Variants in ARHGAP9 observed in about 807,000 individuals in gnomAD.
ARHGAP9 encodes rho GTPase-activating protein 9.
A neutral mutation model predicts 87.3 loss-of-function variants in ARHGAP9; 76 were observed. The observed-to-expected ratio is 0.87, with a 90% CI of 0.72 to 1.05. ARHGAP9 has a LOEUF of 1.05. ARHGAP9 is among the 50% of genes least tolerant of loss of function. The probability of loss-of-function intolerance (pLI) is 0.00; values close to 1 mark genes in which losing one functional copy is unlikely to be tolerated. For missense variants in ARHGAP9, 941 were observed against 960.5 expected, an observed-to-expected ratio of 0.98 and a Z score of 0.27; for synonymous variants, 382 against 394.9, an observed-to-expected ratio of 0.97 and a Z score of 0.39.
Position 57,472,375 on chromosome 12 carries a change from A to G in ARHGAP9, c.*142T>C, listed in dbSNP as rs1261052483. ...CTTTCCTCTTTAGAGAAGCTCCCTC[A>G]CCCATCCCAACACCTCAAGTCACAC... On this transcript the variant is annotated 3_prime_UTR_variant, in exon 18 of 18. Transcript: ENST00000393791. The G allele has an allele frequency of 1.9e-6, 2 of 1,065,584 alleles. No homozygotes were observed. Among genetic ancestry groups the G allele is most frequent in the Admixed American group, 6.0e-5 (2 of 33,600 alleles). 66.0% of individuals were successfully genotyped at this position (1,065,584 alleles called of 1,614,324 possible).
chr12:57,474,619 T>C lies in ARHGAP9; in HGVS notation c.1729+7A>G. 6.2e-7 allele frequency: 1 copy of C among 1,614,174 alleles called. No individual in the cohort carries two copies. Among genetic ancestry groups the C allele is most frequent in the Non-Finnish European group, 8.5e-7 (1 of 1,180,032 alleles). ...TAGTACAACCACTGGCCCACAAGCC[T>C]TCTCACCTCTGTCCACCAGAAAGCG... On this transcript the variant is annotated splice_region_variant and intron_variant, in intron 14 of 17. Coordinates refer to ENST00000393791, the MANE Select transcript of ARHGAP9 (RefSeq NM_032496.4).
chr12:57,477,375 G>A (rs578159701), intron 4 of ARHGAP9, 84 bp downstream of exon 4: 62 of 1,539,788 alleles, frequency 4.0e-5, no homozygotes, highest in Admixed American at 1.1e-4. Context: ...TGAGAGCCCC[G>A]GAGAGAAAAC....
In ARHGAP9 at chr12:57,476,580, G is replaced by A; in HGVS notation, c.1025+10C>T. The A allele has an allele frequency of 6.2e-7, 1 of 1,614,120 alleles. No homozygotes were observed. Among genetic ancestry groups the A allele is most frequent in the Non-Finnish European group, 8.5e-7 (1 of 1,180,010 alleles). On this transcript the variant is annotated intron_variant, in intron 7 of 17. Coordinates refer to ENST00000393791, the MANE Select transcript of ARHGAP9 (RefSeq NM_032496.4). ...ACAGCCCAGGCCCTAGCTGTATTCT[G>A]GGTTCTCACCTGAGCTTGCGCCCCC...
rs1872739896 is a variant in ARHGAP9, at chr12:57,474,086, G to T, written c.1874C>A (p.Pro625His). The stretch of plus-strand genomic sequence containing the variant: ...GGGCAGCAGCAGTGGTGGCACCAGA[G>T]GCTGGGGCAGCTCCCGGAGAAAAAG... ...LKLFLRELPQ[P>H]LVPPLLLPHF... is the part of the protein sequence containing the mutation. The change falls in exon 16 of 18, where the codon CCT becomes CAT. Residue 625 changes from proline (P) to histidine (H), a missense_variant. Transcript: ENST00000393791. The T allele has an allele frequency of 6.2e-7, 1 of 1,613,908 alleles. No homozygotes were observed. Among genetic ancestry groups the T allele is most frequent in the Non-Finnish European group, 8.5e-7 (1 of 1,180,004 alleles).
upstream of ARHGAP9, among the ~76,000 whole-genome samples, chr12:57,482,343 C>A (rs967882053): frequency 1.3e-5 from 2 of 152,008 alleles, no homozygotes; most frequent in Non-Finnish European, 2.9e-5. Context: ...CAGGTTCATG[C>A]CATTCTCCTG....
Position 57,473,841 on chromosome 12 carries a change from C to A in ARHGAP9, c.1919-133G>T, listed in dbSNP as rs117248179. 637 of 1,196,254 alleles carry A rather than the reference C, an allele frequency of 5.3e-4. 8 individuals carry two copies. The East Asian group carries it at 0.013, about 24-fold the overall frequency. 74.1% of individuals were successfully genotyped at this position (1,196,254 alleles called of 1,614,324 possible). A position where few individuals can be genotyped will look rare whatever the true frequency, so the allele number is the denominator to read the frequency against. On this transcript the variant is annotated intron_variant, in intron 16 of 17. Transcript: ENST00000393791. Reference sequence around the variant, plus strand: ...TAGCACAGCTTTCTTTTTCACATAGCCCAACTATAGCCTCATAATTCTTTT... The same window carrying A: ...TAGCACAGCTTTCTTTTTCACATAGACCAACTATAGCCTCATAATTCTTTT...
At chr12:57,480,843 G>T (rs886755004), upstream of ARHGAP9, 3 of 1,550,428 alleles carry the variant, frequency 1.9e-6, no homozygotes, top group Admixed American at 2.0e-5. Flanking sequence ...TTCTGTTTGG[G>T]TTTGGAGAGG....
chr12:57,482,539 C>T (rs1875099017), upstream of ARHGAP9, among the ~76,000 whole-genome samples: 1 of 151,942 alleles, frequency 6.6e-6, no homozygotes, highest in Non-Finnish European at 1.5e-5. Flanking sequence ...CGCGCCTGGC[C>T]AAAAATTTTT....
Position 57,476,080 on chromosome 12 carries a change from G to T in ARHGAP9, c.1203C>A (p.Asn401Lys), listed in dbSNP as rs1365315165. Residue 401 changes from asparagine (N) to lysine (K), a missense_variant, in exon 9 of 18, where the codon AAC (asparagine) becomes AAA (lysine). By Grantham distance (94) the Asn-to-Lys change is moderately conservative (BLOSUM62 0). Coordinates refer to ENST00000393791, the MANE Select transcript of ARHGAP9 (RefSeq NM_032496.4). The part of the protein sequence containing the change: ...AHGRHLSSRR[N>K]VLHIRTIPGH... ...GCGGGAGGGCGCTCACGTGCAGGAC[G>T]TTGCGGCGGCTGGACAGGTGGCGGC... The T allele has an allele frequency of 2.6e-6, 4 of 1,536,066 alleles. No individual in the cohort carries two copies. The highest frequency in any genetic ancestry group is 1.8e-6 in the Non-Finnish European group (2 of 1,142,566).
Position 57,477,289 on chromosome 12 carries a change from AAT to A in ARHGAP9, c.757-22_757-21del, listed in dbSNP as rs1874121512. The stretch of plus-strand genomic sequence containing the variant: ...AGGGTTCTGGGTTAGGGGAGGAGGA[AAT>A]AAAGCTACATCCAGATGCCACCTCT... On this transcript the variant is annotated intron_variant, in intron 4 of 17. Coordinates refer to ENST00000393791, the MANE Select transcript of ARHGAP9 (RefSeq NM_032496.4). 6.5e-7 allele frequency: 1 copy of A among 1,543,142 alleles called. No homozygotes were observed. Among genetic ancestry groups the A allele is most frequent in the Non-Finnish European group, 8.7e-7 (1 of 1,144,322 alleles).
At chr12:57,478,902 T>C in intron 2 of ARHGAP9, 145 bp from the exon 3 acceptor site, 1 of 1,085,102 alleles carries the variant, frequency 9.2e-7, no homozygotes, top group Non-Finnish European at 1.3e-6. Flanking sequence ...GCCTTAGGAC[T>C]AGGAGGACAG....
Position 57,474,968 on chromosome 12 carries a change from C to A in ARHGAP9, c.1558G>T (p.Val520Leu). 6.2e-7 allele frequency: 1 copy of A among 1,613,928 alleles called. No homozygotes were observed. The highest frequency in any genetic ancestry group is 1.7e-5 in the Admixed American group (1 of 60,018). The part of the protein sequence containing the change: ...LQERGLLRDQ[V>L]FGCQLESLCQ... ...AGTGATTCCAACTGGCAGCCGAACA[C>A]CTGGTCTGGGGAAGTAGAGTGAGGC... The change falls in exon 13 of 18, where the codon GTG (valine) becomes TTG (leucine). Residue 520 changes from valine (V) to leucine (L), a missense_variant. Transcript: ENST00000393791.
chr12:57,477,609 C>T lies in ARHGAP9; in HGVS notation c.606G>A (p.Arg202=), dbSNP rs771991393. 8 of 1,613,060 alleles carry T rather than the reference C, an allele frequency of 5.0e-6. No homozygotes were observed. Among genetic ancestry groups the T allele is most frequent in the Non-Finnish European group, 5.1e-6 (6 of 1,179,532 alleles). The part of the protein sequence containing the change: ...CNLVDLRRCP[R]SPPPGPACPL... Reference sequence around the variant, plus strand: ...GGCATGCAGGGCCTGGGGGTGGGGACCGAGGACAGCGGCGAAGGTCCACCA... The same window carrying T: ...GGCATGCAGGGCCTGGGGGTGGGGATCGAGGACAGCGGCGAAGGTCCACCA... The change falls in exon 4 of 18, where the codon CGG becomes CGA. Residue 202 remains arginine, a synonymous_variant. Coordinates refer to ENST00000393791, the MANE Select transcript of ARHGAP9 (RefSeq NM_032496.4).
intron 1 of ARHGAP9, among the ~76,000 whole-genome samples, chr12:57,485,195 C>T (rs1490114681): frequency 2.0e-5 from 3 of 151,950 alleles, no homozygotes; most frequent in African/African-American, 7.2e-5. Flanking sequence ...GATTTGTCCA[C>T]CTCGGCCTCC....
rs1443821129 is a variant in ARHGAP9, at chr12:57,472,517, T to A, written c.2196A>T (p.Ter732CysextTer48). 1 of 1,613,916 alleles carries A rather than the reference T, an allele frequency of 6.2e-7. No homozygotes were observed. Among genetic ancestry groups the A allele is most frequent in the Admixed American group, 1.7e-5 (1 of 60,002 alleles). Reference protein sequence around the residue: ...MLTNFTSLFP* With the variant: ...MLTNFTSLFPC ...TGTTTTCTCTTCTTCCTTCCCTGCA[T>A]CAGGGGAAGAGGCTGGTGAAGTTGG... Residue 732 changes from the stop codon to cysteine (C), a stop_lost, in exon 18 of 18, where the codon TGA becomes TGT. Transcript: ENST00000393791.
chr12:57,482,955 TG>T (rs1875137393), upstream of ARHGAP9, among the ~76,000 whole-genome samples: 1 of 151,026 alleles, frequency 6.6e-6, no homozygotes, highest in Non-Finnish European at 1.5e-5. Flanking sequence ...AAAAATCAGC[TG>T]GGCATGGCGG....
intron 1 of ARHGAP9, chr12:57,487,768 GAACCC>G: frequency 3.4e-6 from 1 of 290,964 alleles, no homozygotes; most frequent in South Asian, 4.9e-5. Flanking sequence ...AGAATCACTT[GAACCC>G]TGGAGGCAGA....
intron 3 of ARHGAP9, 55 bp from the exon 4 acceptor site, chr12:57,477,735 G>A (rs1439556181): frequency 7.5e-6 from 12 of 1,589,982 alleles, no homozygotes; most frequent in Non-Finnish European, 1.0e-5. Context: ...CCCTTCCCAT[G>A]CTTCTCTTGG....
upstream of ARHGAP9, among the ~76,000 whole-genome samples, chr12:57,483,628 G>A (rs184709033): frequency 1.1e-4 from 16 of 152,270 alleles, no homozygotes; most frequent in East Asian, 1.5e-3. Flanking sequence ...TGAAATCTTA[G>A]ATTCTTTGCA....
Sources: gnomAD v4.1 joint callset for allele counts (sites outside exome capture counted in the v4.1 genomes callset) on GRCh38, gnomAD v4.1.1 for gene constraint, MANE v1.5 for transcripts, NCBI Gene and HGNC (gene_info 2026-07-23, HGNC 2026-07-21) for gene names.